Variants in SARDH observed in about 807,000 individuals in gnomAD.
SARDH encodes sarcosine dehydrogenase, mitochondrial.
A neutral mutation model predicts 109.1 loss-of-function variants in SARDH; 95 were observed. That is an observed-to-expected ratio of 0.87 (90% CI 0.74 to 1.03). The LOEUF (loss-of-function observed/expected upper bound fraction) is 1.03, where lower values mean the gene tolerates loss of function less well. Ranked by LOEUF, SARDH falls within the 50% of genes least tolerant of loss-of-function variation. SARDH has a pLI of 0.00. For synonymous variants in SARDH, 572 were observed against 534.8 expected (o/e 1.07, Z -0.96); for missense variants, 1,267 against 1,287.8 (o/e 0.98, Z 0.25).
chr9:133,661,594 A>C (rs1588358476), downstream of SARDH, among the ~76,000 whole-genome samples: 1 of 151,412 alleles, frequency 6.6e-6, no homozygotes, highest in Non-Finnish European at 1.5e-5. Context: ...CAATTCTCCC[A>C]CCTCAGCCTC....
chr9:133,661,236 G>C (rs1832408544), downstream of SARDH, among the ~76,000 whole-genome samples: 1 of 151,930 alleles, frequency 6.6e-6, no homozygotes, highest in African/African-American at 2.4e-5. Flanking sequence ...AGCTATTTGG[G>C]AGGCTGAGGT....
intron 6 of SARDH, among the ~76,000 whole-genome samples, chr9:133,721,120 A>G (rs979006306): frequency 2.0e-5 from 3 of 152,202 alleles, no homozygotes; most frequent in Non-Finnish European, 2.9e-5. Flanking sequence ...TGTCCAAGCA[A>G]CAGCCCAAGA....
At chr9:133,695,115 A>T (rs60329120) in intron 14 of SARDH, among the ~76,000 whole-genome samples, 8,451 of 152,258 alleles carry the variant, frequency 0.056, 798 homozygotes, top group African/African-American at 0.19. Flanking sequence ...TGATCAGGTT[A>T]AAGTGAGGTC....
At chr9:133,719,149 G>T in intron 6 of SARDH, 107 bp from the exon 7 acceptor site, 1 of 877,774 alleles carries the variant, frequency 1.1e-6, no homozygotes, top group Non-Finnish European at 1.9e-6. Context: ...ACGGGCTCGA[G>T]ATGGTCCTTC....
rs1277835218 is a variant in SARDH, at chr9:133,704,982, C to T, written c.1520G>A (p.Arg507Gln). Residue 507 changes from arginine to glutamine, a missense_variant, in exon 12 of 21, where the codon CGA becomes CAA. By Grantham distance (43) the Arg-to-Gln change is conservative. Coordinates refer to ENST00000439388, the MANE Select transcript of SARDH (RefSeq NM_001134707.2). This position sits in a 1 kb window ranked among gnomAD's most constrained non-coding sequence, Gnocchi z 4.5. Reference sequence around the variant, plus strand: ...GCCTCGGGGATGAAACCATCCCGGTCGCTCCCAGCCATGCCGCTCCTGGAA... The same window carrying T: ...GCCTCGGGGATGAAACCATCCCGGTTGCTCCCAGCCATGCCGCTCCTGGAA... ...CVFQERHGWE[R>Q]PGWFHPRGPA... 1.1e-5 allele frequency: 17 copies of T among 1,586,342 alleles called. No individual in the cohort carries two copies. Among genetic ancestry groups the T allele is most frequent in the South Asian group, 6.9e-5 (6 of 86,544 alleles).
intron 6 of SARDH, 105 bp from the exon 7 acceptor site, chr9:133,719,147 G>A (rs1832233403): frequency 1.0e-5 from 9 of 884,408 alleles, no homozygotes; most frequent in Admixed American, 3.9e-5. Flanking sequence ...TCACGGGCTC[G>A]AGATGGTCCT....
intron 10 of SARDH, 129 bp from the exon 11 acceptor site, chr9:133,708,557 C>T (rs1831792288): frequency 6.4e-6 from 8 of 1,241,640 alleles, no homozygotes; most frequent in Admixed American, 2.7e-5. Context: ...CAGCATTGAG[C>T]GGGCCCCTGA....
chr9:133,707,643 G>C (rs1343604825), intron 11 of SARDH, among the ~76,000 whole-genome samples: 3 of 152,164 alleles, frequency 2.0e-5, no homozygotes, highest in Non-Finnish European at 4.4e-5. Flanking sequence ...CAATGCTCAG[G>C]AACCAGAGTG....
intron 13 of SARDH, among the ~76,000 whole-genome samples, chr9:133,700,715 G>GCA (rs533474645): frequency 1.3e-4 from 18 of 139,396 alleles, no homozygotes; most frequent in Middle Eastern, 3.7e-3. Flanking sequence ...TGTTTTCAAA[G>GCA]CACACACACA....
chr9:133,723,534 G>A (rs1258756126), intron 6 of SARDH, among the ~76,000 whole-genome samples: 2 of 152,176 alleles, frequency 1.3e-5, no homozygotes, highest in South Asian at 2.1e-4. Context: ...AGGCCAAGGC[G>A]GGTGGATCAC....
In SARDH at chr9:133,693,756, T is replaced by C. The variant is rs1831184250; in HGVS notation, c.1921+502A>G. Among the ~76,000 whole-genome samples, 1 of 152,118 alleles carries C rather than the reference T, an allele frequency of 6.6e-6. No individual in the cohort carries two copies. Among genetic ancestry groups the C allele is most frequent in the African/African-American group, 2.4e-5 (1 of 41,412 alleles). The stretch of plus-strand genomic sequence containing the variant: ...ATGAAGGTACTGAGCTACCTGTCCC[T>C]GAGGGTATGCAAGCAGACATGGTGG... On this transcript the variant is annotated intron_variant, in intron 15 of 20. Coordinates refer to ENST00000439388, the MANE Select transcript of SARDH (RefSeq NM_001134707.2). The surrounding 1 kb of genome is among the most constrained non-coding windows in gnomAD (Gnocchi z 5.6).
intron 16 of SARDH, among the ~76,000 whole-genome samples, chr9:133,688,393 A>G (rs1036213883): frequency 3.1e-5 from 4 of 128,942 alleles, no homozygotes; most frequent in Non-Finnish European, 6.4e-5. Context: ...AGCCTCGCCC[A>G]GTCCATGGGA....
intron 16 of SARDH, among the ~76,000 whole-genome samples, chr9:133,687,532 C>A (rs1409134527): frequency 6.6e-6 from 1 of 152,154 alleles, no homozygotes; most frequent in Non-Finnish European, 1.5e-5. Flanking sequence ...CTTATCACCT[C>A]GGCCTCCCAA....
intron 6 of SARDH, among the ~76,000 whole-genome samples, chr9:133,726,859 C>T (rs1588451991): frequency 1.3e-5 from 2 of 152,376 alleles, no homozygotes; most frequent in South Asian, 4.1e-4. Flanking sequence ...ACAGCTACCA[C>T]CTCATGAGCA....
chr9:133,733,943 C>T lies in SARDH; in HGVS notation c.231G>A (p.Leu77=). 1 of 1,601,966 alleles carries T rather than the reference C, an allele frequency of 6.2e-7. No individual in the cohort carries two copies. The highest frequency in any genetic ancestry group is 8.5e-7 in the Non-Finnish European group (1 of 1,173,852). ...CCAGGTGGTACAGGGTCTGGCAGCC[C>T]AAGCTGCCTCCACCAATGACCACCA... ...ANVVVIGGGS[L]GCQTLYHLAK... Residue 77 remains leucine, a synonymous_variant, in exon 2 of 21, where the codon TTG becomes TTA. Coordinates refer to ENST00000439388, the MANE Select transcript of SARDH (RefSeq NM_001134707.2).
At chr9:133,730,277 G>A in intron 4 of SARDH, 90 bp from the exon 5 acceptor site, 1 of 1,525,032 alleles carries the variant, frequency 6.6e-7, no homozygotes, top group African/African-American at 1.4e-5. Flanking sequence ...CTCCCAGAGG[G>A]GAGCTGGGGA....
chr9:133,712,660 G>A lies in SARDH; in HGVS notation c.1287C>T (p.Ile429=). The part of the protein sequence containing the change: ...GCGQELAHWI[I]HGRPEKDMHG... ...GCATGTCCTTCTCCGGGCGCCCATG[G>A]ATGATCCAGTGGGCCAGCTCCTGCC... The change falls in exon 10 of 21, where the codon ATC becomes ATT. Residue 429 remains isoleucine, a synonymous_variant. Transcript: ENST00000439388. The surrounding 1 kb of genome is among the most constrained non-coding windows in gnomAD (Gnocchi z 4.1). 6.2e-7 allele frequency: 1 copy of A among 1,610,458 alleles called. No homozygotes were observed. Among genetic ancestry groups the A allele is most frequent in the Non-Finnish European group, 8.5e-7 (1 of 1,179,962 alleles).
At chr9:133,662,781 C>T (rs1472266456), downstream of SARDH, among the ~76,000 whole-genome samples, 1 of 152,242 alleles carries the variant, frequency 6.6e-6, no homozygotes, top group Non-Finnish European at 1.5e-5. This position sits in a 1 kb window ranked among gnomAD's most constrained non-coding sequence, Gnocchi z 5.1. Context: ...GCCTCCCGCT[C>T]TTCCCAGATT....
At chr9:133,699,095 C>T (rs1831388660) in intron 13 of SARDH, among the ~76,000 whole-genome samples, 1 of 152,190 alleles carries the variant, frequency 6.6e-6, no homozygotes, top group Non-Finnish European at 1.5e-5. Context: ...GCCTGTAATC[C>T]CAGCACTTTG....
Sources: gnomAD v4.1 joint callset for allele counts (sites outside exome capture counted in the v4.1 genomes callset) on GRCh38, gnomAD v4.1.1 for gene constraint, Gnocchi (gnomAD v3.1) non-coding constraint, MANE v1.5 for transcripts, NCBI Gene and HGNC (gene_info 2026-07-23, HGNC 2026-07-21) for gene names.